B3GALT5: variants seen among roughly 807,000 people sequenced by gnomAD.
The protein encoded by B3GALT5 is beta-1,3-galactosyltransferase 5.
For synonymous variants in B3GALT5, 156 were observed against 158.6 expected (o/e 0.98, Z 0.12); for missense variants, 328 against 396.6 (o/e 0.83, Z 1.47).
intron 2 of B3GALT5, among the ~76,000 whole-genome samples, chr21:39,654,531 T>G (rs1421007673): frequency 2.0e-5 from 3 of 152,250 alleles, no homozygotes; most frequent in Non-Finnish European, 4.4e-5. Context: ...AGTTAGTTGA[T>G]GAAGCAGTAG....
At position 39,670,488 on chromosome 21, in the gene B3GALT5, A is replaced by C. The variant is rs2079617695; in HGVS notation, c.*8996A>C. 6.6e-6 allele frequency: 1 copy of C among 152,182 alleles called. No homozygotes were observed. Among genetic ancestry groups the C allele is most frequent in the South Asian group, 2.1e-4 (1 of 4,820 alleles). The allele number at this position is 152,182 out of a possible 1,614,324, so 9.4% of individuals were successfully genotyped here. A position where few individuals can be genotyped will look rare whatever the true frequency, so the allele number is the denominator to read the frequency against. On this transcript the variant is annotated 3_prime_UTR_variant, in exon 4 of 4. Coordinates refer to ENST00000684187, the MANE Select transcript of B3GALT5 (RefSeq NM_001356336.2). ...TTCACCTTTGCACAATCAGTCACAC[A>C]TTTGTTATATGACAGCTATGTGCCA...
intron 1 of B3GALT5, among the ~76,000 whole-genome samples, chr21:39,639,334 CTTTCTTTCTTTCT>C (rs2079258344): frequency 2.5e-5 from 3 of 118,472 alleles, no homozygotes; most frequent in Admixed American, 8.8e-5. Context: ...TTCTTTCTTT[CTTTCTTTCTTTCT>C]TTCCTTCCTT....
chr21:39,650,988 CTT>C (rs1378188129), intron 2 of B3GALT5, among the ~76,000 whole-genome samples: 3 of 151,884 alleles, frequency 2.0e-5, no homozygotes. Context: ...AAAAAAAAAC[CTT>C]CTTCTAGAGT....
intron 2 of B3GALT5, among the ~76,000 whole-genome samples, chr21:39,650,773 A>G (rs1392160408): frequency 7.5e-6 from 1 of 132,872 alleles, no homozygotes; most frequent in African/African-American, 2.7e-5. Flanking sequence ...TAGACTTGAC[A>G]GTTTGTTTTG....
At chr21:39,616,002 T>C (rs374128896) in intron 1 of B3GALT5, among the ~76,000 whole-genome samples, 1 of 152,208 alleles carries the variant, frequency 6.6e-6, no homozygotes, top group African/African-American at 2.4e-5. Flanking sequence ...GAGAAGAATA[T>C]TGTGAGCAAG....
rs2079584420 is a variant in B3GALT5 at position 39,667,062 on chromosome 21, A to G, written c.*5570A>G. The G allele has an allele frequency of 6.6e-6, 1 of 152,264 alleles. No individual in the cohort carries two copies. Among genetic ancestry groups the G allele is most frequent in the Non-Finnish European group, 1.5e-5 (1 of 68,058 alleles). 9.4% of individuals were successfully genotyped at this position (152,264 alleles called of 1,614,324 possible). On this transcript the variant is annotated 3_prime_UTR_variant, in exon 4 of 4. Coordinates refer to ENST00000684187, the MANE Select transcript of B3GALT5 (RefSeq NM_001356336.2). ...CCCTCTGGCACCCTGTCCTGAGGGT[A>G]GAGCTTCCTGGCACAGGGTCAGTGA...
chr21:39,621,652 A>G (rs1486132500), intron 1 of B3GALT5, among the ~76,000 whole-genome samples: 2 of 152,076 alleles, frequency 1.3e-5, no homozygotes, highest in Admixed American at 1.3e-4. Flanking sequence ...ACATTAATTC[A>G]TGATTTGCTG....
At chr21:39,644,881 A>C (rs2079322355) in intron 1 of B3GALT5, among the ~76,000 whole-genome samples, 1 of 151,974 alleles carries the variant, frequency 6.6e-6, no homozygotes, top group Non-Finnish European at 1.5e-5. Flanking sequence ...CTACCTCCCC[A>C]CCATGCTGCA....
intron 2 of B3GALT5, among the ~76,000 whole-genome samples, chr21:39,648,618 C>T (rs79978308): frequency 0.026 from 3,997 of 152,276 alleles, 80 homozygotes; most frequent in Non-Finnish European, 0.043. Context: ...TGAGGAGACC[C>T]CCATGGCCAC....
At chr21:39,650,724 G>A (rs1313519609) in intron 2 of B3GALT5, among the ~76,000 whole-genome samples, 1 of 152,106 alleles carries the variant, frequency 6.6e-6, no homozygotes, top group Non-Finnish European at 1.5e-5. Flanking sequence ...ATACTGGAGA[G>A]ATGATTCAAA....
chr21:39,622,802 T>A (rs916732400), intron 1 of B3GALT5, among the ~76,000 whole-genome samples: 5 of 152,100 alleles, frequency 3.3e-5, no homozygotes, highest in African/African-American at 1.2e-4. Context: ...TCTTCATTTT[T>A]TCGTCTCCTG....
intron 1 of B3GALT5, among the ~76,000 whole-genome samples, chr21:39,625,678 C>T (rs2079159834): frequency 1.3e-5 from 2 of 152,186 alleles, no homozygotes; most frequent in Admixed American, 1.3e-4. Context: ...TCCCAGTTTG[C>T]AATTCTACCT....
chr21:39,652,904 G>A (rs1475505469), intron 2 of B3GALT5, among the ~76,000 whole-genome samples: 1 of 152,162 alleles, frequency 6.6e-6, no homozygotes, highest in Non-Finnish European at 1.5e-5. Context: ...CAATTCTACA[G>A]AACATGTGTC....
In B3GALT5 at chr21:39,672,849, A is replaced by C. The variant is rs1304654514; in HGVS notation, c.*11357A>C. On this transcript the variant is annotated 3_prime_UTR_variant, in exon 4 of 4. Coordinates refer to ENST00000684187, the MANE Select transcript of B3GALT5 (RefSeq NM_001356336.2). ...TTGTTCCCCTTGGATTTCGGAAGCA[A>C]AGCAATGGGACCCTACGCTTCAGAG... The C allele has an allele frequency of 6.6e-6, 1 of 152,188 alleles. No individual in the cohort carries two copies. Among genetic ancestry groups the C allele is most frequent in the Non-Finnish European group, 1.5e-5 (1 of 68,044 alleles). 9.4% of individuals were successfully genotyped at this position (152,188 alleles called of 1,614,324 possible). A position where few individuals can be genotyped will look rare whatever the true frequency, so the allele number is the denominator to read the frequency against.
chr21:39,651,713 C>T (rs575602223), intron 2 of B3GALT5, among the ~76,000 whole-genome samples: 214 of 152,210 alleles, frequency 1.4e-3, no homozygotes, highest in African/African-American at 4.9e-3. Context: ...CACATCGCAC[C>T]GTAGTAGCAG....
At chr21:39,641,629 C>T (rs775936649) in intron 1 of B3GALT5, among the ~76,000 whole-genome samples, 4 of 152,126 alleles carry the variant, frequency 2.6e-5, no homozygotes, top group Non-Finnish European at 4.4e-5. Flanking sequence ...GTTAAGTCTT[C>T]GATTGAATCT....
At chr21:39,647,776 G>A (rs1239873427) in intron 2 of B3GALT5, among the ~76,000 whole-genome samples, 3 of 152,158 alleles carry the variant, frequency 2.0e-5, no homozygotes, top group Non-Finnish European at 4.4e-5. Flanking sequence ...TTTACCATTA[G>A]GGCAACAAGC....
At chr21:39,652,496 G>A (rs1030544446) in intron 2 of B3GALT5, among the ~76,000 whole-genome samples, 3 of 152,062 alleles carry the variant, frequency 2.0e-5, no homozygotes, top group Admixed American at 6.5e-5. Context: ...CCTGGGCCGT[G>A]CTACACCACC....
intron 1 of B3GALT5, among the ~76,000 whole-genome samples, chr21:39,632,675 G>T (rs1457947182): frequency 6.6e-6 from 1 of 152,162 alleles, no homozygotes; most frequent in Non-Finnish European, 1.5e-5. Flanking sequence ...GGTGAAGAAG[G>T]CAGTCACCGT....
Sources: allele counts gnomAD v4.1 joint callset (sites outside exome capture counted in the v4.1 genomes callset), GRCh38; gene constraint gnomAD v4.1.1; transcripts MANE v1.5; gene names NCBI Gene and HGNC (gene_info 2026-07-23, HGNC 2026-07-21).